The following CLASRP variants were observed in gnomAD, a reference collection of about 807,000 sequenced individuals.
The protein encoded by CLASRP is CLK4-associating serine/arginine rich protein.
In CLASRP, 52 loss-of-function variants were observed where a neutral mutation model predicts 99.9. That is an observed-to-expected ratio of 0.52 (90% confidence interval 0.42 to 0.66). CLASRP has a LOEUF of 0.66. Among genes scored for constraint, CLASRP ranks in the 30% least tolerant of loss-of-function variants. The probability of loss-of-function intolerance (pLI) is 0.00; values close to 1 mark genes in which losing one functional copy is unlikely to be tolerated. For missense variants in CLASRP, 848 were observed against 999.2 expected (o/e 0.85, Z 2.04); for synonymous variants, 379 against 373.0 (o/e 1.02, Z -0.18).
In CLASRP at chr19:45,056,251, A is replaced by T. The variant is rs564706064; in HGVS notation, c.380-199A>T. ...AGGCACAGATGTGTTAAGTCCCTTG[A>T]CCAAGGTCGTGTGTCCAAGGCTCTG... is the stretch of plus-strand genomic sequence containing the variant. On this transcript the variant is annotated intron_variant, in intron 5 of 20. Coordinates refer to ENST00000221455, the MANE Select transcript of CLASRP (RefSeq NM_007056.3). Among the ~76,000 whole-genome samples the T allele has an allele frequency of 1.4e-3, 216 of 152,336 alleles. 2 individuals carry two copies. Among genetic ancestry groups the T allele is most frequent in the African/African-American group, 4.8e-3 (201 of 41,574 alleles).
rs191012312 is a variant in CLASRP at position 45,067,462 on chromosome 19, G to A, written c.1535G>A (p.Arg512His). Residue 512 changes from arginine to histidine, a missense_variant, in exon 14 of 21, where the codon CGC (arginine) becomes CAC (histidine). By Grantham distance (29) the Arg-to-His change is conservative. Transcript: ENST00000221455. The surrounding 1 kb of genome is among the most constrained non-coding windows in gnomAD (Gnocchi z 4.9). ...CGCAGTCGCAGCCTGACTCGCAGCC[G>A]CAGCCATAGCCCCAGCCCCAGCCAG... Reference protein sequence around the residue: ...PSRSRSLTRSRSHSPSPSQSR... With the variant: ...PSRSRSLTRSHSHSPSPSQSR... 8.8e-4 allele frequency: 1,369 copies of A among 1,552,734 alleles called. 4 individuals carry two copies. The African/African-American group carries it at 0.012, about 14-fold the overall frequency.
intron 8 of CLASRP, among the ~76,000 whole-genome samples, chr19:45,059,589 C>T (rs369229486): frequency 3.3e-5 from 5 of 152,298 alleles, no homozygotes; most frequent in African/African-American, 4.8e-5. Flanking sequence ...CTACTTAGTG[C>T]GACCTGGGGC....
intron 2 of CLASRP, among the ~76,000 whole-genome samples, chr19:45,050,599 G>A (rs1312236912): frequency 1.3e-5 from 2 of 152,102 alleles, no homozygotes; most frequent in African/African-American, 2.4e-5. Flanking sequence ...CAGGAGAATC[G>A]CTTGAACCTG....
intron 13 of CLASRP, 50 bp downstream of exon 13, chr19:45,064,680 C>T (rs1357884642): frequency 6.7e-7 from 1 of 1,492,794 alleles, no homozygotes; most frequent in Non-Finnish European, 8.9e-7. Flanking sequence ...GGCGCGGTCT[C>T]CGATCCTGGG....
Position 45,067,673 on chromosome 19 carries a change from G to A in CLASRP, c.1667+79G>A, listed in dbSNP as rs547163224. ...GAACATCACTGTTTTCTTTTTGAGG[G>A]GAACTTAGCCCTACCCTGGGAGGTC... On this transcript the variant is annotated intron_variant, in intron 14 of 20. Transcript: ENST00000221455. The surrounding 1 kb of genome is among the most constrained non-coding windows in gnomAD (Gnocchi z 4.9). 68 of 1,351,490 alleles carry A rather than the reference G, an allele frequency of 5.0e-5. No homozygotes were observed. Among genetic ancestry groups the A allele is most frequent in the Middle Eastern group, 3.7e-4 (2 of 5,366 alleles). 83.7% of individuals were successfully genotyped at this position (1,351,490 alleles called of 1,614,324 possible). A position where few individuals can be genotyped will look rare whatever the true frequency, so the allele number is the denominator to read the frequency against.
At chr19:45,069,923 T>TA (rs759729843) in intron 18 of CLASRP, 99 bp from the exon 19 acceptor site, 3 of 718,698 alleles carry the variant, frequency 4.2e-6, no homozygotes, top group Non-Finnish European at 7.6e-6. Flanking sequence ...CCCCCTTGGT[T>TA]TACTGTCTTC....
At chr19:45,069,176 C>T (rs759945980) in intron 17 of CLASRP, 26 bp from the exon 18 acceptor site, 32 of 1,613,924 alleles carry the variant, frequency 2.0e-5, no homozygotes, top group African/African-American at 2.7e-5. Flanking sequence ...GGCCTGGCCA[C>T]GTCCTCATAG....
intron 2 of CLASRP, among the ~76,000 whole-genome samples, chr19:45,041,329 G>A (rs1225612043): frequency 6.6e-6 from 1 of 152,010 alleles, no homozygotes; most frequent in Admixed American, 6.6e-5. Flanking sequence ...GTTTTTGCGG[G>A]GAAGACCAAA....
chr19:45,049,567 C>T (rs1049851351), intron 2 of CLASRP, among the ~76,000 whole-genome samples: 1 of 152,196 alleles, frequency 6.6e-6, no homozygotes, highest in Non-Finnish European at 1.5e-5. Context: ...GTGAGTGACT[C>T]AGCTCCTTCA....
intron 8 of CLASRP, among the ~76,000 whole-genome samples, chr19:45,059,590 G>A (rs1206446849): frequency 2.6e-5 from 4 of 152,154 alleles, no homozygotes; most frequent in Admixed American, 1.3e-4. Flanking sequence ...TACTTAGTGC[G>A]ACCTGGGGCG....
chr19:45,043,589 T>G (rs1971858162), intron 2 of CLASRP, among the ~76,000 whole-genome samples: 1 of 152,108 alleles, frequency 6.6e-6, no homozygotes, highest in South Asian at 2.1e-4. Context: ...ATTAACCATT[T>G]AATTGATCCT....
intron 5 of CLASRP, 54 bp from the exon 6 acceptor site, chr19:45,056,396 T>G: frequency 1.3e-6 from 2 of 1,536,696 alleles, no homozygotes; most frequent in Non-Finnish European, 1.8e-6. Flanking sequence ...GTTCCCCCAC[T>G]GAATTCCTAG....
rs1966909120 is a variant in CLASRP at position 45,060,253 on chromosome 19, G to C, written c.711-136G>C. The stretch of plus-strand genomic sequence containing the variant: ...CTGGCACACAGAGGGTGCTTGATAA[G>C]TGGCATTGAATGAAAGATACCTCAG... On this transcript the variant is annotated intron_variant, in intron 8 of 20. Transcript: ENST00000221455. This position sits in a 1 kb window ranked among gnomAD's most constrained non-coding sequence, Gnocchi z 4.6. 1.4e-6 allele frequency: 1 copy of C among 709,014 alleles called. No individual in the cohort carries two copies. The highest frequency in any genetic ancestry group is 1.8e-5 in the African/African-American group (1 of 57,044). 43.9% of individuals were successfully genotyped at this position (709,014 alleles called of 1,614,324 possible). A position where few individuals can be genotyped will look rare whatever the true frequency, so the allele number is the denominator to read the frequency against.
rs939742485 is a variant in CLASRP at position 45,064,334 on chromosome 19, C to T, written c.1122-9C>T. 1.3e-6 allele frequency: 2 copies of T among 1,522,600 alleles called. No homozygotes were observed. The highest frequency in any genetic ancestry group is 1.8e-6 in the Non-Finnish European group (2 of 1,139,166). The allele number at this position is 1,522,600 out of a possible 1,614,324, so 94.3% of individuals were successfully genotyped here. A position where few individuals can be genotyped will look rare whatever the true frequency, so the allele number is the denominator to read the frequency against. On this transcript the variant is annotated splice_polypyrimidine_tract_variant and intron_variant, in intron 12 of 20. Transcript: ENST00000221455. ...CTGCGCTGACCGGCCCTCCGTGCCC[C>T]GCCTGCAGCCGCCGCTCCTCCTCCT...
intron 5 of CLASRP, among the ~76,000 whole-genome samples, chr19:45,054,761 T>C (rs1972091086): frequency 6.6e-6 from 1 of 152,134 alleles, no homozygotes; most frequent in Non-Finnish European, 1.5e-5. Context: ...ACCTGGCAGG[T>C]CTCGGCTTCC....
chr19:45,068,070 G>A lies in CLASRP; in HGVS notation c.1707+16G>A. On this transcript the variant is annotated intron_variant, in intron 15 of 20. Transcript: ENST00000221455. ...AGCTGCCAAAGTCAGTAAGAATTTG[G>A]AACTCGCCCGTCTAATTCCCGTCAG... 4 of 1,613,330 alleles carry A rather than the reference G, an allele frequency of 2.5e-6. No homozygotes were observed. Among genetic ancestry groups the A allele is most frequent in the Non-Finnish European group, 3.4e-6 (4 of 1,179,338 alleles).
At chr19:45,045,583 T>C (rs1034857705) in intron 2 of CLASRP, among the ~76,000 whole-genome samples, 1 of 152,108 alleles carries the variant, frequency 6.6e-6, no homozygotes, top group South Asian at 2.1e-4. Flanking sequence ...CAGGAAGTAG[T>C]CTTATGAACA....
chr19:45,054,577 G>A (rs1489483758), intron 5 of CLASRP, among the ~76,000 whole-genome samples: 2 of 152,110 alleles, frequency 1.3e-5, no homozygotes, highest in African/African-American at 2.4e-5. Context: ...CAAGAATGTC[G>A]AGGGGGAACA....
Position 45,070,101 on chromosome 19 carries a change from T to TA in CLASRP, c.1955dup (p.Tyr652Ter). The TA allele has an allele frequency of 6.4e-7, 1 of 1,562,790 alleles. No individual in the cohort carries two copies. Among genetic ancestry groups the TA allele is most frequent in the Non-Finnish European group, 8.8e-7 (1 of 1,133,360 alleles). ...SRQSRSPSPRYSREYSSSRRR... is the reference protein window; with the variant it reads ...SRQSRSPSPR ...GCAGAGCCGCTCACCCTCCCCCCGA[T>TA]ACAGTGAGTGTCCCCACCAGGCTGC... The change falls in exon 19 of 21, where the codon TAC (tyrosine) becomes TAAC (stop). Residue 652 changes from tyrosine to a stop codon, truncating the protein, a stop_gained and frameshift_variant. Coordinates refer to ENST00000221455, the MANE Select transcript of CLASRP (RefSeq NM_007056.3). LOFTEE classifies it high-confidence loss of function.
Sources: allele counts gnomAD v4.1 joint callset (sites outside exome capture counted in the v4.1 genomes callset), GRCh38; gene constraint gnomAD v4.1.1; non-coding constraint Gnocchi (gnomAD v3.1); transcripts MANE v1.5; gene names NCBI Gene and HGNC (gene_info 2026-07-23, HGNC 2026-07-21).